R3HDM1: variants seen among roughly 807,000 people sequenced by gnomAD.
R3HDM1 encodes R3H domain-containing protein 1.
In R3HDM1, 46 loss-of-function variants were observed where a neutral mutation model predicts 141.1. The observed-to-expected ratio is 0.33, with a 90% CI of 0.26 to 0.42. The LOEUF is 0.42. Ranked by LOEUF, R3HDM1 falls within the 10% of genes least tolerant of loss-of-function variation. The pLI, the probability that R3HDM1 is intolerant of heterozygous loss-of-function variation, is 1.00. For missense variants in R3HDM1, 1,184 were observed against 1,368.3 expected, an observed-to-expected ratio of 0.87 and a Z score of 2.12; for synonymous variants, 435 against 472.9, an observed-to-expected ratio of 0.92 and a Z score of 1.04.
chr2:135,576,031 C>T (rs1453131679), intron 1 of R3HDM1, among the ~76,000 whole-genome samples: 1 of 152,064 alleles, frequency 6.6e-6, no homozygotes. Flanking sequence ...GTGCTACTGT[C>T]ACATGAATAA....
chr2:135,610,523 T>G (rs960072051), intron 3 of R3HDM1, among the ~76,000 whole-genome samples: 1 of 152,246 alleles, frequency 6.6e-6, no homozygotes, highest in African/African-American at 2.4e-5. Flanking sequence ...CTCTTATGTC[T>G]TGTATCCCTC....
rs756701584 is a variant in R3HDM1, at chr2:135,709,533, A to G, written c.2560A>G (p.Thr854Ala). The G allele has an allele frequency of 8.1e-6, 13 of 1,613,920 alleles. No individual in the cohort carries two copies. Among genetic ancestry groups the G allele is most frequent in the Non-Finnish European group, 8.5e-6 (10 of 1,179,896 alleles). The change falls in exon 22 of 27, where the codon ACA (threonine) becomes GCA (alanine). Residue 854 changes from threonine (T) to alanine (A), a missense_variant. By Grantham distance (58) the Thr-to-Ala change is moderately conservative (BLOSUM62 0). Coordinates refer to ENST00000683871, the MANE Select transcript of R3HDM1 (RefSeq NM_001378107.1). ...SSQQLQGHQC[T>A]AGPPPPPGGG... Reference sequence around the variant, plus strand: ...CCAGCAGCTTCAAGGCCACCAATGTACAGGTATAAAGAAATCAGTGAAAAT... The same window carrying G: ...CCAGCAGCTTCAAGGCCACCAATGTGCAGGTATAAAGAAATCAGTGAAAAT...
intron 1 of R3HDM1, among the ~76,000 whole-genome samples, chr2:135,559,358 C>G (rs1203236146): frequency 6.6e-6 from 1 of 152,048 alleles, no homozygotes; most frequent in Non-Finnish European, 1.5e-5. Context: ...CTCAAGCAAT[C>G]CTCCCACCTC....
At chr2:135,661,469 T>C in intron 19 of R3HDM1, 76 bp downstream of exon 19, 2 of 1,523,954 alleles carry the variant, frequency 1.3e-6, no homozygotes, top group South Asian at 2.3e-5. Context: ...GCTCTTAAGA[T>C]AGTACCTACT....
At chr2:135,612,978 G>A (rs570366446) in intron 3 of R3HDM1, among the ~76,000 whole-genome samples, 6 of 152,256 alleles carry the variant, frequency 3.9e-5, no homozygotes, top group East Asian at 3.9e-4. Context: ...AAAGGAAATC[G>A]AAATAAATTA....
intron 1 of R3HDM1, among the ~76,000 whole-genome samples, chr2:135,545,915 C>T (rs565169390): frequency 6.3e-4 from 96 of 152,288 alleles, no homozygotes; most frequent in African/African-American, 1.8e-3. Flanking sequence ...AGAAGTCATC[C>T]GATCCAACCT....
At chr2:135,720,538 G>T (rs539917842) in intron 24 of R3HDM1, among the ~76,000 whole-genome samples, 1 of 152,320 alleles carries the variant, frequency 6.6e-6, no homozygotes, top group African/African-American at 2.4e-5. Context: ...AGCCTTTGCC[G>T]TGTGATGACT....
chr2:135,692,083 TTG>T (rs1449051791), intron 21 of R3HDM1, among the ~76,000 whole-genome samples: 1 of 152,028 alleles, frequency 6.6e-6, no homozygotes, highest in Non-Finnish European at 1.5e-5. Flanking sequence ...TGGCTAATTT[TTG>T]TGTTTTTAGT....
intron 7 of R3HDM1, chr2:135,622,992 A>T (rs1460847862): frequency 1.0e-6 from 1 of 981,818 alleles, no homozygotes; most frequent in Non-Finnish European, 1.2e-6. Context: ...CTCTTGATTG[A>T]GTTAGACATA....
intron 21 of R3HDM1, among the ~76,000 whole-genome samples, chr2:135,694,664 A>AG (rs1431908599): frequency 1.3e-5 from 2 of 152,286 alleles, no homozygotes; most frequent in East Asian, 3.9e-4. Flanking sequence ...CAGCTCAGGG[A>AG]GGGGGAACCC....
chr2:135,635,608 C>A (rs1016325676), intron 9 of R3HDM1, among the ~76,000 whole-genome samples: 1 of 152,168 alleles, frequency 6.6e-6, no homozygotes, highest in African/African-American at 2.4e-5. Context: ...TTGTGCAAGT[C>A]ATAAAGCAGC....
intron 1 of R3HDM1, among the ~76,000 whole-genome samples, chr2:135,585,612 A>G (rs1707719543): frequency 6.6e-6 from 1 of 152,184 alleles, no homozygotes; most frequent in African/African-American, 2.4e-5. Context: ...AATAGATGCA[A>G]TTAGTATTCT....
chr2:135,534,717 A>G (rs1695674123), intron 1 of R3HDM1, among the ~76,000 whole-genome samples: 1 of 152,234 alleles, frequency 6.6e-6, no homozygotes, highest in South Asian at 2.1e-4. Flanking sequence ...GCTTCTCCAA[A>G]GAGGTCTTAC....
chr2:135,616,871 C>T (rs1469711802), intron 5 of R3HDM1, 114 bp downstream of exon 5: 2 of 913,928 alleles, frequency 2.2e-6, no homozygotes, highest in African/African-American at 3.4e-5. Flanking sequence ...GAAACTTATT[C>T]AATAATACTT....
At chr2:135,563,835 G>A (rs1214105380) in intron 1 of R3HDM1, among the ~76,000 whole-genome samples, 1 of 152,114 alleles carries the variant, frequency 6.6e-6, no homozygotes, top group Admixed American at 6.5e-5. Context: ...AAAGAAAAGT[G>A]GTTTGTTTAG....
chr2:135,650,240 AT>A, intron 17 of R3HDM1: 1 of 983,736 alleles, frequency 1.0e-6, no homozygotes, highest in Non-Finnish European at 1.2e-6. Context: ...TAACGAAAGA[AT>A]TTTCAGGTTG....
chr2:135,719,668 G>A (rs951994279), intron 24 of R3HDM1, among the ~76,000 whole-genome samples: 5 of 152,044 alleles, frequency 3.3e-5, no homozygotes, highest in African/African-American at 1.2e-4. Context: ...AAATTTTGTA[G>A]AATTAAAAGG....
rs1052232128 is a variant in R3HDM1, at chr2:135,691,606, A to C, written c.2459+11282A>C. 1.1e-4 allele frequency among the ~76,000 whole-genome samples: 17 copies of C among 152,196 alleles called. No individual in the cohort carries two copies. In the South Asian group the frequency reaches 1.5e-3, roughly 13 times the overall value. Reference sequence around the variant, plus strand: ...AGAGAACCCCTGTCTCCAAAAAAAAAACAGAAGTAAAGAGATTTTCTTTTT... The same window carrying C: ...AGAGAACCCCTGTCTCCAAAAAAAACACAGAAGTAAAGAGATTTTCTTTTT... On this transcript the variant is annotated intron_variant, in intron 21 of 26. Transcript: ENST00000683871.
intron 1 of R3HDM1, among the ~76,000 whole-genome samples, chr2:135,548,072 G>A (rs1438683362): frequency 6.6e-6 from 1 of 152,054 alleles, no homozygotes; most frequent in Non-Finnish European, 1.5e-5. Context: ...GCCCCAGCCT[G>A]AAGTCTTTTT....
Sources: gnomAD v4.1 joint callset for allele counts (sites outside exome capture counted in the v4.1 genomes callset) on GRCh38, gnomAD v4.1.1 for gene constraint, MANE v1.5 for transcripts, NCBI Gene and HGNC (gene_info 2026-07-23, HGNC 2026-07-21) for gene names.